Variants in NUS1 observed in about 807,000 individuals in gnomAD.
The protein encoded by NUS1 is dehydrodolichyl diphosphate synthase complex subunit NUS1.
For missense variants in NUS1, 292 were observed against 382.9 expected, an observed-to-expected ratio of 0.76 and a Z score of 1.98; for synonymous variants, 135 against 155.2, an observed-to-expected ratio of 0.87 and a Z score of 0.97.
At chr6:117,689,400 A>G (rs992866922) in intron 1 of NUS1, among the ~76,000 whole-genome samples, 1 of 152,188 alleles carries the variant, frequency 6.6e-6, no homozygotes, top group South Asian at 2.1e-4. Flanking sequence ...TGTGATGTGA[A>G]TAGACAAAGC....
At chr6:117,694,723 C>T (rs1001048181) in intron 3 of NUS1, among the ~76,000 whole-genome samples, 2 of 152,064 alleles carry the variant, frequency 1.3e-5, no homozygotes, top group Admixed American at 6.6e-5. Flanking sequence ...AGAGAATTCC[C>T]TCTAGGACCT....
At chr6:117,676,825 G>A (rs977128092) in intron 1 of NUS1, among the ~76,000 whole-genome samples, 5 of 152,168 alleles carry the variant, frequency 3.3e-5, no homozygotes, top group African/African-American at 9.7e-5. Context: ...GAGCTTCCAG[G>A]CGCTGTTCTT....
chr6:117,707,702 A>C lies in NUS1; in HGVS notation c.*687A>C, dbSNP rs1279600069. On this transcript the variant is annotated 3_prime_UTR_variant, in exon 5 of 5. Coordinates refer to ENST00000368494, the MANE Select transcript of NUS1 (RefSeq NM_138459.5). Reference sequence around the variant, plus strand: ...ATTCTGGGTTCAAAAGTATGACTTGAGAGTGTTGCTCTGGTATTCTGAGAG... The same window carrying C: ...ATTCTGGGTTCAAAAGTATGACTTGCGAGTGTTGCTCTGGTATTCTGAGAG... 6.7e-6 allele frequency: 1 copy of C among 148,734 alleles called. No homozygotes were observed. Among genetic ancestry groups the C allele is most frequent in the Non-Finnish European group, 1.5e-5 (1 of 66,990 alleles). The allele number at this position is 148,734 out of a possible 1,614,324, so 9.2% of individuals were successfully genotyped here.
chr6:117,693,920 C>T (rs955701379), intron 2 of NUS1, 111 bp from the exon 3 acceptor site: 10 of 1,183,800 alleles, frequency 8.4e-6, no homozygotes, highest in Non-Finnish European at 1.2e-5. Context: ...TTCTTGTTTA[C>T]TGTAAGAACT....
At chr6:117,691,547 CCATAGA>C (rs1773217559) in intron 1 of NUS1, among the ~76,000 whole-genome samples, 8 of 65,338 alleles carry the variant, frequency 1.2e-4, no homozygotes, top group African/African-American at 4.3e-4. Flanking sequence ...AGGTTCTGTG[CCATAGA>C]TATAGATATA....
In NUS1 at chr6:117,709,253, A is replaced by G. The variant is rs1773543322; in HGVS notation, c.*2238A>G. 1.3e-5 allele frequency: 2 copies of G among 151,412 alleles called. No homozygotes were observed. The highest frequency in any genetic ancestry group is 4.2e-4 in the South Asian group (2 of 4,768). The allele number at this position is 151,412 out of a possible 1,614,324, so 9.4% of individuals were successfully genotyped here. ...AGAAGAACTGGTAATTTTAAACAAA[A>G]GTATGTGTCTTTATTTGTATTGGAA... is the stretch of plus-strand genomic sequence containing the variant. On this transcript the variant is annotated 3_prime_UTR_variant, in exon 5 of 5. Coordinates refer to ENST00000368494, the MANE Select transcript of NUS1 (RefSeq NM_138459.5).
chr6:117,692,905 C>G, intron 1 of NUS1, 137 bp from the exon 2 acceptor site: 1 of 661,634 alleles, frequency 1.5e-6, no homozygotes. Context: ...CTTTTAGATT[C>G]TAGTTTAGGA....
At chr6:117,682,238 T>A (rs1002845319) in intron 1 of NUS1, among the ~76,000 whole-genome samples, 45 of 152,340 alleles carry the variant, frequency 3.0e-4, no homozygotes, top group African/African-American at 1.1e-3. Flanking sequence ...CCTGCTTTTG[T>A]TAACTTTTTA....
chr6:117,704,214 T>TA (rs1280774862), intron 4 of NUS1, among the ~76,000 whole-genome samples: 2 of 152,134 alleles, frequency 1.3e-5, no homozygotes, highest in African/African-American at 4.8e-5. Context: ...GCCTGTGTAT[T>TA]ATGTGGGAAT....
intron 1 of NUS1, among the ~76,000 whole-genome samples, chr6:117,677,679 A>G (rs1582462670): frequency 6.6e-6 from 1 of 152,234 alleles, no homozygotes; most frequent in African/African-American, 2.4e-5. Flanking sequence ...CGCAAGGAAC[A>G]TGATGACGCA....
chr6:117,676,194 C>G, intron 1 of NUS1, 109 bp downstream of exon 1: 1 of 1,506,280 alleles, frequency 6.6e-7, no homozygotes, highest in South Asian at 1.2e-5. Flanking sequence ...CTCTGCAAAT[C>G]ACAGCGCTAG....
intron 3 of NUS1, among the ~76,000 whole-genome samples, chr6:117,696,316 G>GGAGAT (rs934653740): frequency 2.0e-5 from 3 of 152,108 alleles, no homozygotes; most frequent in Admixed American, 2.0e-4. Context: ...GCCTTAAAGA[G>GGAGAT]GAGATACAGA....
chr6:117,693,455 ACTGGTTGTT>A (rs1773271339), intron 2 of NUS1, among the ~76,000 whole-genome samples: 1 of 152,212 alleles, frequency 6.6e-6, no homozygotes, highest in South Asian at 2.1e-4. Flanking sequence ...TAGAGGTACA[ACTGGTTGTT>A]CTATGGAGTG....
intron 3 of NUS1, among the ~76,000 whole-genome samples, chr6:117,697,826 A>C (rs1322721691): frequency 6.6e-6 from 1 of 152,164 alleles, no homozygotes; most frequent in East Asian, 1.9e-4. Context: ...AGATATTTAC[A>C]AAACATTTTA....
At chr6:117,676,915 G>T (rs1326099551) in intron 1 of NUS1, among the ~76,000 whole-genome samples, 3 of 152,168 alleles carry the variant, frequency 2.0e-5, no homozygotes, top group African/African-American at 7.2e-5. Flanking sequence ...GGGTCAGGTG[G>T]TATTTGAACT....
intron 3 of NUS1, among the ~76,000 whole-genome samples, chr6:117,698,859 A>T (rs1435192698): frequency 2.0e-5 from 3 of 152,200 alleles, no homozygotes; most frequent in Non-Finnish European, 4.4e-5. Context: ...ATGGTTGAAC[A>T]TACACAAATC....
At chr6:117,686,554 C>T (rs1329117008) in intron 1 of NUS1, among the ~76,000 whole-genome samples, 2 of 152,018 alleles carry the variant, frequency 1.3e-5, no homozygotes, top group Non-Finnish European at 1.5e-5. Context: ...TCTTGAGGTG[C>T]AATACTATAT....
At chr6:117,683,394 T>C (rs1773091170) in intron 1 of NUS1, among the ~76,000 whole-genome samples, 1 of 152,216 alleles carries the variant, frequency 6.6e-6, no homozygotes, top group Non-Finnish European at 1.5e-5. Flanking sequence ...ACTTCAGTCA[T>C]GTAAAATTTT....
intron 1 of NUS1, among the ~76,000 whole-genome samples, chr6:117,678,097 G>C (rs1344413311): frequency 6.6e-6 from 1 of 152,162 alleles, no homozygotes; most frequent in African/African-American, 2.4e-5. Context: ...GAAGTATCCT[G>C]TGTCATAGTT....
Sources: allele counts gnomAD v4.1 joint callset (sites outside exome capture counted in the v4.1 genomes callset), GRCh38; gene constraint gnomAD v4.1.1; transcripts MANE v1.5; gene names NCBI Gene and HGNC (gene_info 2026-07-23, HGNC 2026-07-21).